Variants in KIF13B observed in about 807,000 individuals in gnomAD.
KIF13B encodes the protein kinesin family member 13B.
In KIF13B, 127 loss-of-function variants were observed where a neutral mutation model predicts 222.0. The ratio of observed to expected loss-of-function variants is 0.57; its 90% confidence interval spans 0.50 to 0.66. KIF13B has a LOEUF of 0.66. Among genes scored for constraint, KIF13B ranks in the 30% least tolerant of loss-of-function variants. The probability of loss-of-function intolerance (pLI) is 0.00; values close to 1 mark genes in which losing one functional copy is unlikely to be tolerated. For missense variants in KIF13B, 2,173 were observed against 2,379.0 expected (o/e 0.91, Z 1.80); for synonymous variants, 976 against 919.0 (o/e 1.06, Z -1.12).
At chr8:29,235,808 G>T (rs533282026) in intron 2 of KIF13B, among the ~76,000 whole-genome samples, 1 of 152,312 alleles carries the variant, frequency 6.6e-6, no homozygotes, top group South Asian at 2.1e-4. Context: ...TCTGGTGACG[G>T]TGAGTTCCAG....
At position 29,068,708 on chromosome 8, in the gene KIF13B, T is replaced by C. The variant is rs1479333617; in HGVS notation, c.*1796A>G. 6.6e-6 allele frequency: 1 copy of C among 152,358 alleles called. No individual in the cohort carries two copies. The highest frequency in any genetic ancestry group is 1.5e-5 in the Non-Finnish European group (1 of 68,128). The allele number at this position is 152,358 out of a possible 1,614,324, so 9.4% of individuals were successfully genotyped here. ...TTTCCCCTCAGGGCAGCAGCAGTGC[T>C]GGCCTCTCACCCAGGCCATAGTGAC... On this transcript the variant is annotated 3_prime_UTR_variant, in exon 40 of 40. Coordinates refer to ENST00000524189, the MANE Select transcript of KIF13B (RefSeq NM_015254.4). This position sits in a 1 kb window ranked among gnomAD's most constrained non-coding sequence, Gnocchi z 4.4.
At chr8:29,251,371 A>G (rs1179228710) in intron 1 of KIF13B, among the ~76,000 whole-genome samples, 1 of 152,260 alleles carries the variant, frequency 6.6e-6, no homozygotes, top group Admixed American at 6.5e-5. Flanking sequence ...GCTAAAATGC[A>G]GAGGCAACCC....
At position 29,160,965 on chromosome 8, in the gene KIF13B, G is replaced by A. The variant is rs575816437; in HGVS notation, c.1270-98C>T. ...AATGTTACAATTATTCAATAGTGTT[G>A]TAATTCAAATACATTCTCTTAGGCT... On this transcript the variant is annotated intron_variant, in intron 12 of 39. Transcript: ENST00000524189. The A allele has an allele frequency of 6.0e-6, 6 of 995,418 alleles. No individual in the cohort carries two copies. In the South Asian group the frequency reaches 1.0e-4, roughly 17 times the overall value. The allele number at this position is 995,418 out of a possible 1,614,324, so 61.7% of individuals were successfully genotyped here. A position where few individuals can be genotyped will look rare whatever the true frequency, so the allele number is the denominator to read the frequency against.
chr8:29,116,812 T>C lies in KIF13B; in HGVS notation c.3837+19A>G. ...GGTCGCAACTGTGGTTAGAGTCGTTTCTTCCACTGAAGACTAACCTGGCGG... is the reference window on the plus strand; with the variant it reads ...GGTCGCAACTGTGGTTAGAGTCGTTCCTTCCACTGAAGACTAACCTGGCGG... On this transcript the variant is annotated intron_variant, in intron 31 of 39. Transcript: ENST00000524189. 6.4e-7 allele frequency: 1 copy of C among 1,572,274 alleles called. No homozygotes were observed. Among genetic ancestry groups the C allele is most frequent in the Non-Finnish European group, 8.7e-7 (1 of 1,149,388 alleles).
intron 36 of KIF13B, among the ~76,000 whole-genome samples, chr8:29,095,785 C>G (rs1305329479): frequency 2.6e-5 from 4 of 151,596 alleles, no homozygotes; most frequent in Non-Finnish European, 5.9e-5. Context: ...CAAAACAAAA[C>G]AAAACAAAAC....
intron 2 of KIF13B, among the ~76,000 whole-genome samples, chr8:29,221,323 G>A (rs550631709): frequency 1.2e-4 from 18 of 151,628 alleles, no homozygotes; most frequent in Admixed American, 2.6e-4. Context: ...GGCTGGTCTC[G>A]AACTGCTGAC....
intron 30 of KIF13B, 131 bp from the exon 31 acceptor site, chr8:29,117,138 G>T: frequency 1.5e-6 from 1 of 659,360 alleles, no homozygotes; most frequent in Non-Finnish European, 2.4e-6. Flanking sequence ...TATGACAGCT[G>T]CCCTGAAAAG....
intron 31 of KIF13B, among the ~76,000 whole-genome samples, chr8:29,113,983 C>T (rs1463068048): frequency 2.0e-5 from 3 of 152,146 alleles, no homozygotes; most frequent in Admixed American, 6.5e-5. Context: ...ATTGACAAGT[C>T]CGGGCATTAA....
At chr8:29,087,827 G>A (rs1256237265) in intron 37 of KIF13B, among the ~76,000 whole-genome samples, 3 of 151,886 alleles carry the variant, frequency 2.0e-5, no homozygotes, top group African/African-American at 7.2e-5. Context: ...GGAGGTCTGA[G>A]AGAACAAAAA....
chr8:29,224,345 T>C (rs1407200827), intron 2 of KIF13B, among the ~76,000 whole-genome samples: 3 of 152,144 alleles, frequency 2.0e-5, no homozygotes, highest in Admixed American at 6.6e-5. Flanking sequence ...TCCCTAAGTA[T>C]TTAATAAAAG....
intron 12 of KIF13B, 135 bp downstream of exon 12, chr8:29,165,527 G>C: frequency 1.7e-6 from 1 of 589,892 alleles, no homozygotes; most frequent in Non-Finnish European, 3.0e-6. Flanking sequence ...GATTCTTTCA[G>C]ATCTAGATTC....
At chr8:29,197,294 G>A (rs1255215760) in intron 2 of KIF13B, among the ~76,000 whole-genome samples, 1 of 122,072 alleles carries the variant, frequency 8.2e-6, no homozygotes, top group Admixed American at 1.1e-4. Context: ...CCGAGATCCC[G>A]CCACTGCACT....
intron 2 of KIF13B, among the ~76,000 whole-genome samples, chr8:29,203,267 GGGAC>G (rs1813779333): frequency 6.6e-6 from 1 of 152,158 alleles, no homozygotes; most frequent in Non-Finnish European, 1.5e-5. Context: ...TCACCCATGT[GGGAC>G]TGACCCAGGT....
intron 21 of KIF13B, chr8:29,138,444 G>A (rs1167657498): frequency 6.6e-6 from 1 of 152,114 alleles, no homozygotes; most frequent in African/African-American, 2.4e-5. Flanking sequence ...TTAATAGGAA[G>A]ATTTTCTCTG....
intron 2 of KIF13B, among the ~76,000 whole-genome samples, chr8:29,210,664 G>A (rs143506066): frequency 1.7e-4 from 26 of 152,240 alleles, no homozygotes; most frequent in African/African-American, 6.3e-4. Flanking sequence ...TATTTCCATG[G>A]TGATTCAAAA....
At chr8:29,183,536 T>C (rs1409931909) in intron 6 of KIF13B, among the ~76,000 whole-genome samples, 1 of 152,224 alleles carries the variant, frequency 6.6e-6, no homozygotes, top group East Asian at 1.9e-4. Context: ...TCCTTTATAA[T>C]CTGCTCTTGA....
intron 1 of KIF13B, chr8:29,250,072 CT>C: frequency 7.8e-7 from 1 of 1,286,998 alleles, no homozygotes; most frequent in Non-Finnish European, 1.0e-6. Context: ...CAGCTGGCTC[CT>C]TACAGTCAAA....
At chr8:29,212,328 G>C (rs1324926554) in intron 2 of KIF13B, among the ~76,000 whole-genome samples, 2 of 152,180 alleles carry the variant, frequency 1.3e-5, no homozygotes, top group African/African-American at 4.8e-5. Context: ...AGACATGAGA[G>C]TCACGGTTGC....
chr8:29,105,833 A>C (rs979917292), intron 35 of KIF13B, among the ~76,000 whole-genome samples: 1 of 151,298 alleles, frequency 6.6e-6, no homozygotes, highest in Non-Finnish European at 1.5e-5. Flanking sequence ...TAATTTTTGT[A>C]TTTTTAGTAG....
Sources: gnomAD v4.1 joint callset for allele counts (sites outside exome capture counted in the v4.1 genomes callset) on GRCh38, gnomAD v4.1.1 for gene constraint, Gnocchi (gnomAD v3.1) non-coding constraint, MANE v1.5 for transcripts, NCBI Gene and HGNC (gene_info 2026-07-23, HGNC 2026-07-21) for gene names.